The following EDARADD variants were observed in gnomAD, a reference collection of about 807,000 sequenced individuals.
EDARADD encodes EDAR associated via death domain, also known as ectodysplasin-A receptor-associated adapter protein.
Under a neutral mutation model 25.6 loss-of-function variants are expected in EDARADD, and 20 were observed. The ratio of observed to expected loss-of-function variants is 0.78; its 90% CI spans 0.55 to 1.14. The LOEUF (loss-of-function observed/expected upper bound fraction) is 1.14, where lower values mean the gene tolerates loss of function less well. EDARADD is among the 50% of genes most tolerant of loss of function. The pLI, the probability that EDARADD is intolerant of heterozygous loss-of-function variation, is 0.00. For missense variants in EDARADD, 225 were observed against 270.1 expected (o/e 0.83, Z 1.17); for synonymous variants, 86 against 94.4 (o/e 0.91, Z 0.52).
At chr1:236,396,138 C>T (rs1052486168) in intron 1 of EDARADD, among the ~76,000 whole-genome samples, 1 of 152,184 alleles carries the variant, frequency 6.6e-6, no homozygotes, top group African/African-American at 2.4e-5. Flanking sequence ...CATTGGCCCT[C>T]GGAGCTATTT....
At chr1:236,390,701 C>T (rs1667411786), upstream of EDARADD, among the ~76,000 whole-genome samples, 1 of 152,164 alleles carries the variant, frequency 6.6e-6, no homozygotes, top group African/African-American at 2.4e-5. Flanking sequence ...ATTAAAGGGT[C>T]TCTCCCTGCA....
At chr1:236,377,599 C>T (rs1212191790) in intron 3 of EDARADD, among the ~76,000 whole-genome samples, 1 of 151,504 alleles carries the variant, frequency 6.6e-6, no homozygotes, top group Non-Finnish European at 1.5e-5. Flanking sequence ...GTGGCTCACG[C>T]CTGTAATCCC....
In EDARADD at chr1:236,400,971, T is replaced by A. The variant is rs1218538898; in HGVS notation, c.61+6466T>A. 3.3e-5 allele frequency among the ~76,000 whole-genome samples: 5 copies of A among 151,238 alleles called. No individual in the cohort carries two copies. The South Asian group carries it at 6.3e-4, about 19-fold the overall frequency. On this transcript the variant is annotated intron_variant, in intron 1 of 5. Coordinates refer to ENST00000334232, the MANE Select transcript of EDARADD (RefSeq NM_145861.4). ...CAGCACTTTAGGAGGCCGAGGGAGG[T>A]GGATCACCTGAGGTCAGGAGTTCAA...
At chr1:236,429,409 G>T (rs3119826) in intron 4 of EDARADD, among the ~76,000 whole-genome samples, 6 of 149,340 alleles carry the variant, frequency 4.0e-5, no homozygotes, top group Admixed American at 1.3e-4. Context: ...ACAGAGTCTC[G>T]CTCTGTCACC....
intron 1 of EDARADD, among the ~76,000 whole-genome samples, chr1:236,400,740 T>C (rs12727178): frequency 1.4e-5 from 2 of 139,628 alleles, no homozygotes; most frequent in Non-Finnish European, 3.1e-5. Flanking sequence ...TTTTTTTTTG[T>C]ATTTTTAGTA....
intron 4 of EDARADD, among the ~76,000 whole-genome samples, chr1:236,446,581 G>T (rs1658543816): frequency 6.6e-6 from 1 of 151,938 alleles, no homozygotes; most frequent in East Asian, 1.9e-4. Context: ...AGTCATAAAA[G>T]CTTCTTAAGT....
At chr1:236,455,480 T>C (rs1026363289) in intron 4 of EDARADD, among the ~76,000 whole-genome samples, 1 of 152,252 alleles carries the variant, frequency 6.6e-6, no homozygotes, top group East Asian at 1.9e-4. Context: ...CTTTAGTTCC[T>C]TCCTCTAAGG....
At chr1:236,438,853 AT>A (rs1340004202) in intron 4 of EDARADD, among the ~76,000 whole-genome samples, 1 of 152,098 alleles carries the variant, frequency 6.6e-6, no homozygotes, top group African/African-American at 2.4e-5. Context: ...CACCATTATC[AT>A]CCAAAGTTCA....
At chr1:236,476,425 C>A (rs1659507111) in intron 5 of EDARADD, among the ~76,000 whole-genome samples, 1 of 152,142 alleles carries the variant, frequency 6.6e-6, no homozygotes, top group Non-Finnish European at 1.5e-5. Flanking sequence ...AGGGCTCACA[C>A]CTGTAATCCC....
chr1:236,459,520 A>T (rs1018187216), intron 4 of EDARADD, among the ~76,000 whole-genome samples: 2 of 152,140 alleles, frequency 1.3e-5, no homozygotes, highest in African/African-American at 4.8e-5. Flanking sequence ...TAGAGAAGAA[A>T]GATCTACAGG....
At chr1:236,364,720 CATTT>C (rs201898417) in intron 3 of EDARADD, among the ~76,000 whole-genome samples, 16,397 of 152,014 alleles carry the variant, frequency 0.11, 1,347 homozygotes, top group African/African-American at 0.23. Context: ...GAATATAATT[CATTT>C]GAGTATGTTG....
intron 4 of EDARADD, among the ~76,000 whole-genome samples, chr1:236,454,938 G>A (rs2103028861): frequency 6.6e-6 from 1 of 152,346 alleles, no homozygotes; most frequent in South Asian, 2.1e-4. Context: ...AAGGCCGTGT[G>A]TGGTGGCTCA....
At chr1:236,366,587 C>T (rs1667114062) in intron 3 of EDARADD, among the ~76,000 whole-genome samples, 1 of 152,168 alleles carries the variant, frequency 6.6e-6, no homozygotes, top group South Asian at 2.1e-4. Flanking sequence ...GATGTTCTGA[C>T]CTATGAACAC....
intron 4 of EDARADD, among the ~76,000 whole-genome samples, chr1:236,443,834 A>T (rs1275277467): frequency 1.3e-5 from 2 of 152,186 alleles, no homozygotes; most frequent in African/African-American, 4.8e-5. Flanking sequence ...GGCTTGAGAG[A>T]ATTGACTTCA....
intron 3 of EDARADD, among the ~76,000 whole-genome samples, chr1:236,415,558 C>T (rs560420973): frequency 2.0e-5 from 3 of 152,082 alleles, no homozygotes; most frequent in Middle Eastern, 3.2e-3. Flanking sequence ...CGATTCTCCT[C>T]CCTCAGCCTT....
chr1:236,482,239 C>A, intron 5 of EDARADD, 28 bp from the exon 6 acceptor site: 1 of 1,613,930 alleles, frequency 6.2e-7, no homozygotes, highest in Non-Finnish European at 8.5e-7. Flanking sequence ...TCTTGTTGAC[C>A]TGTGGACTAA....
chr1:236,407,560 T>C (rs1319328155), intron 1 of EDARADD, among the ~76,000 whole-genome samples: 1 of 152,232 alleles, frequency 6.6e-6, no homozygotes, highest in East Asian at 1.9e-4. Context: ...CTGCTGTGCT[T>C]ATTTGGATCC....
chr1:236,385,008 G>A (rs1667335540), intron 3 of EDARADD, among the ~76,000 whole-genome samples: 2 of 150,478 alleles, frequency 1.3e-5, no homozygotes. Context: ...CCCTGCTTTA[G>A]AACTTCTCTT....
At chr1:236,362,702 A>G (rs1056886195) in intron 3 of EDARADD, among the ~76,000 whole-genome samples, 2 of 152,022 alleles carry the variant, frequency 1.3e-5, no homozygotes, top group Non-Finnish European at 2.9e-5. Context: ...TCTAGAATCA[A>G]TTTTGAGTTA....
Sources: allele counts gnomAD v4.1 joint callset (sites outside exome capture counted in the v4.1 genomes callset), GRCh38; gene constraint gnomAD v4.1.1; transcripts MANE v1.5; gene names NCBI Gene and HGNC (gene_info 2026-07-23, HGNC 2026-07-21).